Variants in NKAIN2 observed in about 807,000 individuals in gnomAD.
NKAIN2 encodes the protein sodium/potassium-transporting ATPase subunit beta-1-interacting protein 2.
NKAIN2 carries 14 observed loss-of-function variants against 32.6 expected under a neutral mutation model. The observed-to-expected ratio is 0.43, with a 90% CI of 0.28 to 0.67. NKAIN2 has a LOEUF of 0.67. Among genes scored for constraint, NKAIN2 ranks in the 30% least tolerant of loss-of-function variants. The probability of loss-of-function intolerance (pLI) is 0.17; values close to 1 mark genes in which losing one functional copy is unlikely to be tolerated. For synonymous variants in NKAIN2, 80 were observed against 87.2 expected (o/e 0.92, Z 0.46); for missense variants, 198 against 258.3 (o/e 0.77, Z 1.60).
In NKAIN2 at chr6:124,713,640, TA is replaced by T. The variant is rs531037267; in HGVS notation, c.474+55260del. Among the ~76,000 whole-genome samples, 291 of 152,226 alleles carry T rather than the reference TA, an allele frequency of 1.9e-3. 2 individuals are homozygous for T. The highest frequency in any genetic ancestry group is 3.6e-3 in the Non-Finnish European group (244 of 67,992). On this transcript the variant is annotated intron_variant, in intron 4 of 6. Coordinates refer to ENST00000368417, the MANE Select transcript of NKAIN2 (RefSeq NM_001040214.3). ...AGAAAGGTTTTAGAGCCATTGTGCA[TA>T]AAAAATCAGAGCTTTGAGCAAACTT...
intron 1 of NKAIN2, among the ~76,000 whole-genome samples, chr6:124,217,941 G>A (rs1398319702): frequency 6.6e-6 from 1 of 151,990 alleles, no homozygotes; most frequent in Non-Finnish European, 1.5e-5. Context: ...TCATATAATA[G>A]CAGTAACACT....
chr6:123,959,931 G>A (rs1280431280), intron 1 of NKAIN2, among the ~76,000 whole-genome samples: 6 of 48,902 alleles, frequency 1.2e-4, no homozygotes, highest in Non-Finnish European at 2.2e-4. Context: ...ATATATGTGT[G>A]TGTGTGTGTG....
chr6:124,084,263 C>T (rs181605877), intron 1 of NKAIN2, among the ~76,000 whole-genome samples: 3 of 152,010 alleles, frequency 2.0e-5, no homozygotes, highest in East Asian at 1.9e-4. Context: ...AACGATTTTT[C>T]GGTCAATGAT....
At chr6:124,074,588 T>G (rs1279922463) in intron 1 of NKAIN2, among the ~76,000 whole-genome samples, 1 of 152,216 alleles carries the variant, frequency 6.6e-6, no homozygotes, top group Non-Finnish European at 1.5e-5. Context: ...GGTGAGCCTT[T>G]ATCAGCTCCA....
At chr6:124,268,205 T>C (rs1794592433) in intron 1 of NKAIN2, among the ~76,000 whole-genome samples, 1 of 152,180 alleles carries the variant, frequency 6.6e-6, no homozygotes, top group Non-Finnish European at 1.5e-5. Context: ...TAGGTGTGCA[T>C]GAAATTCAAC....
intron 1 of NKAIN2, among the ~76,000 whole-genome samples, chr6:124,195,684 C>T (rs188821017): frequency 3.5e-4 from 54 of 152,188 alleles, no homozygotes; most frequent in Admixed American, 9.8e-4. Context: ...ATAACAATTC[C>T]TCAATGGAAA....
intron 1 of NKAIN2, among the ~76,000 whole-genome samples, chr6:124,177,297 C>T (rs914308989): frequency 1.4e-4 from 21 of 152,140 alleles, no homozygotes; most frequent in African/African-American, 4.8e-4. Context: ...TTAGATATTA[C>T]TTTATAAGGG....
chr6:123,925,236 G>T (rs546237974), intron 1 of NKAIN2, among the ~76,000 whole-genome samples: 65 of 152,168 alleles, frequency 4.3e-4, no homozygotes, highest in African/African-American at 6.0e-4. Context: ...AATAGCTTGT[G>T]TTTTTTATAC....
intron 1 of NKAIN2, among the ~76,000 whole-genome samples, chr6:124,163,644 A>G (rs1343103111): frequency 6.6e-6 from 1 of 152,050 alleles, no homozygotes; most frequent in African/African-American, 2.4e-5. Context: ...GCTGTGTTCT[A>G]TAATTGGAGT....
rs192156027 is a variant in NKAIN2 at position 124,019,448 on chromosome 6, T to C, written c.54+215194T>C. ...GAGATTTGTTTTGGCATGTGAATCA[T>C]ATAAATACAAAATTTACTTGCTTTA... On this transcript the variant is annotated intron_variant, in intron 1 of 6. Coordinates refer to ENST00000368417, the MANE Select transcript of NKAIN2 (RefSeq NM_001040214.3). Among the ~76,000 whole-genome samples the C allele has an allele frequency of 2.6e-3, 393 of 152,274 alleles. 2 individuals carry two copies. The highest frequency in any genetic ancestry group is 4.8e-3 in the Admixed American group (73 of 15,280).
intron 3 of NKAIN2, among the ~76,000 whole-genome samples, chr6:124,493,794 C>G (rs1777964995): frequency 6.7e-6 from 1 of 148,166 alleles, no homozygotes; most frequent in Non-Finnish European, 1.5e-5. Flanking sequence ...ACCACTGACA[C>G]TGGCCACTCA....
chr6:124,344,354 T>C (rs1798295317), intron 2 of NKAIN2, among the ~76,000 whole-genome samples: 1 of 152,076 alleles, frequency 6.6e-6, no homozygotes, highest in Admixed American at 6.5e-5. Context: ...AGTAGTTTTT[T>C]CCAATTCTGT....
intron 3 of NKAIN2, among the ~76,000 whole-genome samples, chr6:124,408,602 T>A (rs1309519354): frequency 6.6e-6 from 1 of 152,206 alleles, no homozygotes; most frequent in Non-Finnish European, 1.5e-5. Flanking sequence ...TACTGTAGCC[T>A]TGTAGTAAAG....
chr6:124,172,947 A>G (rs1202293462), intron 1 of NKAIN2, among the ~76,000 whole-genome samples: 1 of 152,150 alleles, frequency 6.6e-6, no homozygotes, highest in African/African-American at 2.4e-5. Context: ...CTTCTTCTAC[A>G]CATGCCTTTG....
chr6:124,044,173 C>CATACT lies in NKAIN2; in HGVS notation c.55-238830_55-238829insACTAT, dbSNP rs1260674672. 2.6e-5 allele frequency among the ~76,000 whole-genome samples: 4 copies of CATACT among 152,074 alleles called. No individual in the cohort carries two copies. In the East Asian group the frequency reaches 7.8e-4, roughly 30 times the overall value. On this transcript the variant is annotated intron_variant, in intron 1 of 6. Transcript: ENST00000368417. Reference sequence around the variant, plus strand: ...TAATCTCTAGGACTTCTCCACTCACCATTATTATGTAGTAGGATTTTATAA... The same window carrying CATACT: ...TAATCTCTAGGACTTCTCCACTCACCATACTATTATTATGTAGTAGGATTTTATAA...
chr6:124,194,103 G>A (rs1287344637), intron 1 of NKAIN2, among the ~76,000 whole-genome samples: 1 of 151,908 alleles, frequency 6.6e-6, no homozygotes, highest in African/African-American at 2.4e-5. Context: ...TCCATGGGTG[G>A]CCATGGGTGG....
At chr6:124,412,650 A>G (rs529355) in intron 3 of NKAIN2, among the ~76,000 whole-genome samples, 119,764 of 151,942 alleles carry the variant, frequency 0.79, 47,459 homozygotes, top group African/African-American at 0.86. Flanking sequence ...CAGTCTGCCC[A>G]TTCTCAGATC....
intron 1 of NKAIN2, among the ~76,000 whole-genome samples, chr6:124,089,118 C>A (rs1784315315): frequency 6.6e-6 from 1 of 151,868 alleles, no homozygotes; most frequent in Non-Finnish European, 1.5e-5. Context: ...CCATTGACAA[C>A]TTGAGGGGAG....
intron 3 of NKAIN2, among the ~76,000 whole-genome samples, chr6:124,461,030 T>A (rs1776511266): frequency 6.6e-6 from 1 of 151,780 alleles, no homozygotes. Flanking sequence ...ATATAGGTAT[T>A]GGTAGCAAAA....
Sources: allele counts gnomAD v4.1 joint callset (sites outside exome capture counted in the v4.1 genomes callset), GRCh38; gene constraint gnomAD v4.1.1; transcripts MANE v1.5; gene names NCBI Gene and HGNC (gene_info 2026-07-23, HGNC 2026-07-21).